Variants in RASGEF1C observed in about 807,000 individuals in gnomAD.
RASGEF1C encodes the protein ras-GEF domain-containing family member 1C.
In RASGEF1C, 27 loss-of-function variants were observed where a neutral mutation model predicts 58.1. That is an observed-to-expected ratio of 0.46 (90% CI 0.34 to 0.64). The LOEUF is 0.64. Among genes scored for constraint, RASGEF1C ranks in the 30% least tolerant of loss-of-function variants. RASGEF1C has a pLI of 0.01. For missense variants in RASGEF1C, 502 were observed against 605.1 expected (o/e 0.83, Z 1.79); for synonymous variants, 243 against 246.3 (o/e 0.99, Z 0.13).
intron 1 of RASGEF1C, among the ~76,000 whole-genome samples, chr5:180,205,895 G>A (rs1335177465): frequency 3.3e-5 from 5 of 152,082 alleles, no homozygotes; most frequent in Middle Eastern, 3.4e-3. Context: ...ACCATTCCCG[G>A]GTAATTTTTT....
In RASGEF1C at chr5:180,137,943, G is replaced by A. The variant is rs373863176; in HGVS notation, c.110C>T (p.Ala37Val). 44 of 1,612,928 alleles carry A rather than the reference G, an allele frequency of 2.7e-5. 3 individuals are homozygous for A. In the South Asian group the frequency reaches 3.2e-4, roughly 12 times the overall value. The change falls in exon 2 of 14, where the codon GCG (alanine) becomes GTG (valine). Residue 37 changes from alanine to valine, a missense_variant. Ala to Val is a moderately conservative substitution (Grantham distance 64). Coordinates refer to ENST00000361132, the MANE Select transcript of RASGEF1C (RefSeq NM_175062.4). This position sits in a 1 kb window ranked among gnomAD's most constrained non-coding sequence, Gnocchi z 4.1. The part of the protein sequence containing the change: ...EQAGQPLLDG[A>V]PSSASLETLI... ...TGTTTCCAGGGAGGCTGAGGATGGCGCTCCATCCAGGAGGGGCTGCCCAGC... is the reference window on the plus strand; with the variant it reads ...TGTTTCCAGGGAGGCTGAGGATGGCACTCCATCCAGGAGGGGCTGCCCAGC...
intron 1 of RASGEF1C, among the ~76,000 whole-genome samples, chr5:180,180,403 G>A (rs2113322393): frequency 6.6e-6 from 1 of 152,350 alleles, no homozygotes; most frequent in African/African-American, 2.4e-5. Flanking sequence ...ACGACCCAAA[G>A]CAGTCAGAAG....
At position 180,168,763 on chromosome 5, in the gene RASGEF1C, G is replaced by T. The variant is rs2113307772; in HGVS notation, c.-6-30705C>A. Among the ~76,000 whole-genome samples, 1 of 152,312 alleles carries T rather than the reference G, an allele frequency of 6.6e-6. No individual in the cohort carries two copies. The highest frequency in any genetic ancestry group is 1.5e-5 in the Non-Finnish European group (1 of 68,036). On this transcript the variant is annotated intron_variant, in intron 1 of 13. Coordinates refer to ENST00000361132, the MANE Select transcript of RASGEF1C (RefSeq NM_175062.4). The surrounding 1 kb of genome is among the most constrained non-coding windows in gnomAD (Gnocchi z 6.0). Reference sequence around the variant, plus strand: ...AATGCTCCCATGGGATTACTTGTGGGCTGGGGTATGAGAGAGCAAAGATTT... The same window carrying T: ...AATGCTCCCATGGGATTACTTGTGGTCTGGGGTATGAGAGAGCAAAGATTT...
chr5:180,206,759 AG>A (rs1756496484), intron 1 of RASGEF1C, among the ~76,000 whole-genome samples: 2 of 152,254 alleles, frequency 1.3e-5, no homozygotes, highest in Non-Finnish European at 2.9e-5. Context: ...AGTGTAAAAA[AG>A]AATGAGCCAG....
intron 1 of RASGEF1C, among the ~76,000 whole-genome samples, chr5:180,150,303 G>A (rs186399539): frequency 9.2e-5 from 14 of 152,014 alleles, no homozygotes; most frequent in Admixed American, 1.3e-4. Flanking sequence ...GCTACTTCAC[G>A]TCTTTGCACA....
In RASGEF1C at chr5:180,182,386, G is replaced by T. The variant is rs189716920; in HGVS notation, c.-7+26642C>A. On this transcript the variant is annotated intron_variant, in intron 1 of 13. Coordinates refer to ENST00000361132, the MANE Select transcript of RASGEF1C (RefSeq NM_175062.4). ...GTGTTACAGCTCTTAAAGGTGGCGC[G>T]GACCCAAACAGTGAGCAGCCGCAAG... Among the ~76,000 whole-genome samples, 259 of 152,026 alleles carry T rather than the reference G, an allele frequency of 1.7e-3. 1 individual carries two copies. Among genetic ancestry groups the T allele is most frequent in the Non-Finnish European group, 3.4e-3 (228 of 67,998 alleles).
chr5:180,144,145 C>A (rs1277628729), intron 1 of RASGEF1C, among the ~76,000 whole-genome samples: 1 of 152,220 alleles, frequency 6.6e-6, no homozygotes, highest in Admixed American at 6.5e-5. Flanking sequence ...TAGGGCCAGA[C>A]CACAACACAG....
At chr5:180,165,670 CA>C (rs776185513) in intron 1 of RASGEF1C, among the ~76,000 whole-genome samples, 101 of 68,430 alleles carry the variant, frequency 1.5e-3, no homozygotes, top group Admixed American at 2.1e-3. Context: ...AACTCTGTCT[CA>C]AAAAAAAAAA....
At chr5:180,172,262 G>A (rs932685472) in intron 1 of RASGEF1C, among the ~76,000 whole-genome samples, 1 of 152,146 alleles carries the variant, frequency 6.6e-6, no homozygotes, top group Non-Finnish European at 1.5e-5. Flanking sequence ...AGCATGCCCA[G>A]ATGGCTGGTG....
At chr5:180,136,712 G>C (rs1030615828) in intron 3 of RASGEF1C, 197 bp from the exon 4 acceptor site, 149 of 599,864 alleles carry the variant, frequency 2.5e-4, no homozygotes, top group Non-Finnish European at 4.0e-4. Context: ...TTCTGGGCAG[G>C]GCCATCTCTT....
At chr5:180,163,231 C>CT (rs1220517606) in intron 1 of RASGEF1C, among the ~76,000 whole-genome samples, 232 of 19,464 alleles carry the variant, frequency 0.012, 16 homozygotes, top group African/African-American at 0.028. Flanking sequence ...CACCCCCTCA[C>CT]TTTTTTTTTT....
chr5:180,115,866 TG>T (rs966730314), intron 10 of RASGEF1C, among the ~76,000 whole-genome samples: 2 of 140,336 alleles, frequency 1.4e-5, no homozygotes, highest in South Asian at 2.4e-4. Context: ...GGATCAGTGG[TG>T]GGGGGGGATT....
chr5:180,165,220 C>A (rs187439719), intron 1 of RASGEF1C, among the ~76,000 whole-genome samples: 1 of 152,200 alleles, frequency 6.6e-6, no homozygotes, highest in African/African-American at 2.4e-5. Context: ...CCCACTCTGG[C>A]AATTTCTGTC....
At chr5:180,189,468 G>C (rs1756105049) in intron 1 of RASGEF1C, among the ~76,000 whole-genome samples, 1 of 152,186 alleles carries the variant, frequency 6.6e-6, no homozygotes, top group Non-Finnish European at 1.5e-5. Context: ...CTGTCTTCAA[G>C]ACTTATTTAA....
intron 1 of RASGEF1C, among the ~76,000 whole-genome samples, chr5:180,182,676 T>C (rs748847540): frequency 2.1e-4 from 32 of 152,228 alleles, no homozygotes; most frequent in Admixed American, 5.2e-4. Flanking sequence ...TGCTGATTGG[T>C]GCTTTTACAA....
chr5:180,178,758 CG>C (rs1767272431), intron 1 of RASGEF1C, among the ~76,000 whole-genome samples: 1 of 152,148 alleles, frequency 6.6e-6, no homozygotes. Context: ...CAGATGTGGG[CG>C]GGGTCCTTAT....
chr5:180,152,590 C>A (rs1438892976), intron 1 of RASGEF1C, among the ~76,000 whole-genome samples: 14 of 147,682 alleles, frequency 9.5e-5, no homozygotes, highest in Admixed American at 4.7e-4. Flanking sequence ...GGAGGGATAG[C>A]ATTAGGAGAT....
chr5:180,138,167 C>G, intron 1 of RASGEF1C, 109 bp from the exon 2 acceptor site: 1 of 630,282 alleles, frequency 1.6e-6, no homozygotes, highest in African/African-American at 1.9e-5. Context: ...GCTCCCCCCA[C>G]AGCCACTTTG....
At position 180,158,701 on chromosome 5, in the gene RASGEF1C, G is replaced by A. The variant is rs991328171; in HGVS notation, c.-6-20643C>T. On this transcript the variant is annotated intron_variant, in intron 1 of 13. Transcript: ENST00000361132. This position sits in a 1 kb window ranked among gnomAD's most constrained non-coding sequence, Gnocchi z 4.0. ...AGCCAGTTGGTCACCCTAGTCCCAA[G>A]TCTTTTGAAATTTCACAAGGACGCA... 6.6e-6 allele frequency among the ~76,000 whole-genome samples: 1 copy of A among 152,172 alleles called. No homozygotes were observed. Among genetic ancestry groups the A allele is most frequent in the African/African-American group, 2.4e-5 (1 of 41,432 alleles).
Sources: gnomAD v4.1 joint callset for allele counts (sites outside exome capture counted in the v4.1 genomes callset) on GRCh38, gnomAD v4.1.1 for gene constraint, Gnocchi (gnomAD v3.1) non-coding constraint, MANE v1.5 for transcripts, NCBI Gene and HGNC (gene_info 2026-07-23, HGNC 2026-07-21) for gene names.